The following SH3GL1 variants were observed in gnomAD, a reference collection of about 807,000 sequenced individuals.
The protein encoded by SH3GL1 is SH3 domain containing GRB2 like 1, endophilin A2.
SH3GL1 carries 21 observed loss-of-function variants against 48.8 expected under a neutral mutation model. The observed-to-expected ratio is 0.43, with a 90% CI of 0.30 to 0.62. The LOEUF is 0.62. SH3GL1 is among the 20% of genes least tolerant of loss of function. The probability of loss-of-function intolerance (pLI) is 0.11; values close to 1 mark genes in which losing one functional copy is unlikely to be tolerated. For missense variants in SH3GL1, 454 were observed against 503.0 expected (o/e 0.90, Z 0.93); for synonymous variants, 282 against 217.5 (o/e 1.30, Z -2.61).
chr19:4,370,597 C>A (rs1207196732), intron 1 of SH3GL1, among the ~76,000 whole-genome samples: 1 of 152,216 alleles, frequency 6.6e-6, no homozygotes, highest in Non-Finnish European at 1.5e-5. Context: ...ACCGCAGGCC[C>A]CACAAGGGCT....
chr19:4,399,193 G>C (rs942466509), intron 1 of SH3GL1, among the ~76,000 whole-genome samples: 3 of 151,968 alleles, frequency 2.0e-5, no homozygotes, highest in Non-Finnish European at 4.4e-5. Flanking sequence ...GGTGGCGCAT[G>C]CCTGTAGTCC....
chr19:4,381,962 C>T (rs192583011), intron 1 of SH3GL1, among the ~76,000 whole-genome samples: 22 of 152,138 alleles, frequency 1.4e-4, no homozygotes, highest in Admixed American at 1.0e-3. Flanking sequence ...CAGCCACACA[C>T]GACGTCTTCA....
In SH3GL1 at chr19:4,360,910, C is replaced by T. The variant is rs542269281; in HGVS notation, c.*690G>A. On this transcript the variant is annotated 3_prime_UTR_variant, in exon 10 of 10. Transcript: ENST00000269886. The stretch of plus-strand genomic sequence containing the variant: ...GAAAAGGTACTTGGCTTTCTGAGGG[C>T]GGGGCTTGGGAGGCAGGGCCCTGCA... 309 of 233,480 alleles carry T rather than the reference C, an allele frequency of 1.3e-3. No homozygotes were observed. The highest frequency in any genetic ancestry group is 6.5e-3 in the African/African-American group (295 of 45,422). 14.5% of individuals were successfully genotyped at this position (233,480 alleles called of 1,614,324 possible).
chr19:4,370,317 G>A (rs1387946850), intron 1 of SH3GL1, among the ~76,000 whole-genome samples: 4 of 152,196 alleles, frequency 2.6e-5, no homozygotes, highest in East Asian at 1.9e-4. Flanking sequence ...CTAGTGCAGC[G>A]GACTCAGCAG....
At chr19:4,362,305 C>T (rs373903556) in intron 9 of SH3GL1, 24 bp downstream of exon 9, 138 of 1,607,162 alleles carry the variant, frequency 8.6e-5, no homozygotes, top group Admixed American at 3.7e-4. Context: ...GCACTGAGGT[C>T]GAGGCGGGCC....
chr19:4,390,225 G>A (rs1973311159), intron 1 of SH3GL1: 1 of 152,330 alleles, frequency 6.6e-6, no homozygotes, highest in Non-Finnish European at 1.5e-5. Flanking sequence ...TAGGAGTGGA[G>A]AGGAAAAGGA....
chr19:4,383,431 AC>A (rs1555743040), intron 1 of SH3GL1, among the ~76,000 whole-genome samples: 1 of 151,306 alleles, frequency 6.6e-6, no homozygotes, highest in Non-Finnish European at 1.5e-5. Context: ...ACGGGGTTTC[AC>A]TTTGTTGCCC....
intron 9 of SH3GL1, among the ~76,000 whole-genome samples, chr19:4,362,026 G>A (rs1972631132): frequency 6.6e-6 from 1 of 152,222 alleles, no homozygotes; most frequent in Admixed American, 6.5e-5. Context: ...CTCCTGGGAA[G>A]TGCTGGGGAC....
rs747478719 is a variant in SH3GL1, at chr19:4,361,201, G to A, written c.*399C>T. The A allele has an allele frequency of 1.0e-5, 3 of 297,888 alleles. No individual in the cohort carries two copies. The highest frequency in any genetic ancestry group is 2.1e-5 in the African/African-American group (1 of 46,544). 18.5% of individuals were successfully genotyped at this position (297,888 alleles called of 1,614,324 possible). A position where few individuals can be genotyped will look rare whatever the true frequency, so the allele number is the denominator to read the frequency against. ...CCATCCTGTTAAGGCTGCGGGACTCGAGGGTAGGCAGTGGGCCGGGCCCCC... is the reference window on the plus strand; with the variant it reads ...CCATCCTGTTAAGGCTGCGGGACTCAAGGGTAGGCAGTGGGCCGGGCCCCC... On this transcript the variant is annotated 3_prime_UTR_variant, in exon 10 of 10. Coordinates refer to ENST00000269886, the MANE Select transcript of SH3GL1 (RefSeq NM_003025.4).
chr19:4,390,592 T>G (rs1973319521), intron 1 of SH3GL1: 1 of 152,304 alleles, frequency 6.6e-6, no homozygotes, highest in Non-Finnish European at 1.5e-5. Flanking sequence ...GCCACCACAT[T>G]CTTTCATCCG....
At chr19:4,390,989 G>T (rs892847279) in intron 1 of SH3GL1, among the ~76,000 whole-genome samples, 1 of 152,210 alleles carries the variant, frequency 6.6e-6, no homozygotes, top group African/African-American at 2.4e-5. Flanking sequence ...CACGGAGGAG[G>T]AAAAGGGCTA....
rs1291251525 is a variant in SH3GL1 at position 4,367,170 on chromosome 19, CAG to C, written c.46-178_46-177del. ...GCACCCCAGGGCCACACGCTGCCTG[CAG>C]AGCAGGGTGGGCCTGCAGGGGGAGG... On this transcript the variant is annotated intron_variant, in intron 1 of 9. Transcript: ENST00000269886. The surrounding 1 kb of genome is among the most constrained non-coding windows in gnomAD (Gnocchi z 4.2). 6.6e-6 allele frequency among the ~76,000 whole-genome samples: 1 copy of C among 152,022 alleles called. No homozygotes were observed. The highest frequency in any genetic ancestry group is 1.5e-5 in the Non-Finnish European group (1 of 67,988).
Position 4,385,047 on chromosome 19 carries a change from T to C in SH3GL1, c.45+15277A>G, listed in dbSNP as rs544330352. Among the ~76,000 whole-genome samples, 39 of 145,492 alleles carry C rather than the reference T, an allele frequency of 2.7e-4. No homozygotes were observed. In the East Asian group the frequency reaches 6.7e-3, roughly 25 times the overall value. ...TGAGCCTGGGAGCGGGAGGTTGCAG[T>C]GAGCTGAGATTGCGCCATTGCACTC... is the stretch of plus-strand genomic sequence containing the variant. On this transcript the variant is annotated intron_variant, in intron 1 of 9. Coordinates refer to ENST00000269886, the MANE Select transcript of SH3GL1 (RefSeq NM_003025.4).
At position 4,360,911 on chromosome 19, in the gene SH3GL1, G is replaced by A. The variant is rs1321010205; in HGVS notation, c.*689C>T. On this transcript the variant is annotated 3_prime_UTR_variant, in exon 10 of 10. Transcript: ENST00000269886. The stretch of plus-strand genomic sequence containing the variant: ...AAAAGGTACTTGGCTTTCTGAGGGC[G>A]GGGCTTGGGAGGCAGGGCCCTGCAG... 3 of 233,482 alleles carry A rather than the reference G, an allele frequency of 1.3e-5. No homozygotes were observed. The highest frequency in any genetic ancestry group is 1.8e-4 in the South Asian group (1 of 5,594). The allele number at this position is 233,482 out of a possible 1,614,324, so 14.5% of individuals were successfully genotyped here.
intron 1 of SH3GL1, among the ~76,000 whole-genome samples, chr19:4,370,841 C>CT (rs1972885248): frequency 6.6e-6 from 1 of 152,268 alleles, no homozygotes; most frequent in African/African-American, 2.4e-5. Flanking sequence ...TCAGTCAGGC[C>CT]TGGCAGTGGC....
Position 4,361,480 on chromosome 19 carries a change from C to T in SH3GL1, c.*120G>A, listed in dbSNP as rs1165156974. On this transcript the variant is annotated 3_prime_UTR_variant, in exon 10 of 10. Transcript: ENST00000269886. The stretch of plus-strand genomic sequence containing the variant: ...CAGGGAGTACCTCAAGGGCCGGGGC[C>T]CAGGTGGCGCCGGCAGGCTCAGACA... 3.0e-5 allele frequency: 22 copies of T among 734,030 alleles called. No homozygotes were observed. Among genetic ancestry groups the T allele is most frequent in the Non-Finnish European group, 4.7e-5 (21 of 445,454 alleles). The allele number at this position is 734,030 out of a possible 1,614,324, so 45.5% of individuals were successfully genotyped here.
At chr19:4,366,676 G>T (rs1972787928) in intron 2 of SH3GL1, 103 bp from the exon 3 acceptor site, 19 of 1,151,486 alleles carry the variant, frequency 1.7e-5, no homozygotes, top group Non-Finnish European at 2.3e-5. Context: ...CCCATACCAG[G>T]ACCCCCCAAC....
chr19:4,366,601 C>T (rs1269323050), intron 2 of SH3GL1, 28 bp from the exon 3 acceptor site: 3 of 1,601,038 alleles, frequency 1.9e-6, no homozygotes, highest in Admixed American at 3.4e-5. Context: ...ATATAAGACT[C>T]CACAGCCAGT....
chr19:4,362,852 G>T (rs1367293694), intron 7 of SH3GL1, 116 bp from the exon 8 acceptor site: 1 of 1,530,936 alleles, frequency 6.5e-7, no homozygotes, highest in Non-Finnish European at 8.9e-7. Context: ...GAGGCCGTCA[G>T]TGGGGTTGTG....
Sources: allele counts gnomAD v4.1 joint callset (sites outside exome capture counted in the v4.1 genomes callset), GRCh38; gene constraint gnomAD v4.1.1; non-coding constraint Gnocchi (gnomAD v3.1); transcripts MANE v1.5; gene names NCBI Gene and HGNC (gene_info 2026-07-23, HGNC 2026-07-21).